USP4: variants seen among roughly 807,000 people sequenced by gnomAD.
The protein encoded by USP4 is ubiquitin carboxyl-terminal hydrolase 4.
Under a neutral mutation model 118.2 loss-of-function variants are expected in USP4, and 72 were observed. The ratio of observed to expected loss-of-function variants is 0.61; its 90% CI spans 0.50 to 0.74. The LOEUF (loss-of-function observed/expected upper bound fraction) is 0.74. USP4 is among the 30% of genes least tolerant of loss of function. The pLI is 0.00. For missense variants in USP4, 1,037 were observed against 1,185.7 expected (o/e 0.87, Z 1.84); for synonymous variants, 415 against 440.4 (o/e 0.94, Z 0.72).
chr3:49,286,773 TCATC>T (rs1334948534), intron 15 of USP4, among the ~76,000 whole-genome samples: 1 of 152,032 alleles, frequency 6.6e-6, no homozygotes, highest in Non-Finnish European at 1.5e-5. Flanking sequence ...CATCCATCCA[TCATC>T]CATCCATCTA....
chr3:49,305,595 G>A (rs1318264315), intron 9 of USP4, 120 bp downstream of exon 9: 10 of 814,882 alleles, frequency 1.2e-5, no homozygotes, highest in African/African-American at 1.8e-5. Flanking sequence ...TGCTGAACTA[G>A]TAAGCATAAT....
chr3:49,300,380 C>T, intron 11 of USP4, 87 bp downstream of exon 11: 1 of 1,251,066 alleles, frequency 8.0e-7, no homozygotes, highest in South Asian at 1.3e-5. Context: ...GACTCAGAGG[C>T]AGCCAATGCA....
chr3:49,309,943 C>CTTCTTTTTT (rs2047365909), intron 8 of USP4, among the ~76,000 whole-genome samples: 1 of 40,228 alleles, frequency 2.5e-5, no homozygotes, highest in East Asian at 7.7e-4. Context: ...TTTTTTTAAT[C>CTTCTTTTTT]TTTTTTTTTT....
intron 9 of USP4, among the ~76,000 whole-genome samples, chr3:49,303,945 G>T (rs893624937): frequency 6.6e-6 from 1 of 152,062 alleles, no homozygotes; most frequent in South Asian, 2.1e-4. Context: ...TAGAGATGGG[G>T]TTTCACAATA....
At chr3:49,307,802 A>AAAACAAAAC (rs2047335014) in intron 8 of USP4, among the ~76,000 whole-genome samples, 1 of 151,840 alleles carries the variant, frequency 6.6e-6, no homozygotes, top group Non-Finnish European at 1.5e-5. Context: ...AAAACAAAAC[A>AAAACAAAAC]AAACAAACAA....
Position 49,300,687 on chromosome 3 carries a change from A to C in USP4, c.1292T>G (p.Val431Gly), listed in dbSNP as rs2047254500. Residue 431 changes from valine to glycine, a missense_variant, in exon 11 of 22, where the codon GTG becomes GGG. Physicochemically the swap from Val to Gly is moderately radical, Grantham distance 109 (BLOSUM62 -3). Around this residue, in one of 3 missense-constraint regions of USP4, gnomAD observed 487 missense variants for 534.1 expected, o/e 0.91. Coordinates refer to ENST00000265560, the MANE Select transcript of USP4 (RefSeq NM_003363.4). Reference protein sequence around the residue: ...KDANGRPDAVVAKEAWENHRL... With the variant: ...KDANGRPDAVGAKEAWENHRL... The stretch of plus-strand genomic sequence containing the variant: ...GTGATTCTCCCAGGCTTCCTTTGCC[A>C]CCACCTGCGTCAAAGGGATAAACAG... 6.2e-7 allele frequency: 1 copy of C among 1,613,962 alleles called. No homozygotes were observed. The highest frequency in any genetic ancestry group is 8.5e-7 in the Non-Finnish European group (1 of 1,179,946).
chr3:49,280,092 G>T (rs988554845), intron 20 of USP4, among the ~76,000 whole-genome samples: 1 of 152,018 alleles, frequency 6.6e-6, no homozygotes, highest in Admixed American at 6.6e-5. Flanking sequence ...CCAAAACCCT[G>T]TCTCTACTAA....
chr3:49,315,040 G>T (rs1348680349), intron 6 of USP4, among the ~76,000 whole-genome samples: 1 of 151,334 alleles, frequency 6.6e-6, no homozygotes, highest in Non-Finnish European at 1.5e-5. Context: ...CAATCAAAAA[G>T]AAACCAAATT....
At chr3:49,311,133 T>C (rs919910076) in intron 7 of USP4, among the ~76,000 whole-genome samples, 4 of 151,696 alleles carry the variant, frequency 2.6e-5, no homozygotes, top group Non-Finnish European at 5.9e-5. Context: ...CCCACATCTA[T>C]GCCATGTGGC....
intron 13 of USP4, among the ~76,000 whole-genome samples, 159 bp downstream of exon 13, chr3:49,297,711 C>A (rs1278854243): frequency 1.3e-5 from 2 of 152,126 alleles, no homozygotes; most frequent in African/African-American, 4.8e-5. Flanking sequence ...CTGATGGCTG[C>A]CCACGATGCC....
chr3:49,289,540 C>T (rs561952770), intron 15 of USP4, among the ~76,000 whole-genome samples: 1 of 152,120 alleles, frequency 6.6e-6, no homozygotes, highest in Non-Finnish European at 1.5e-5. Context: ...TTATCCCTAG[C>T]GGGAAATGAA....
chr3:49,278,774 T>TA, intron 21 of USP4, 40 bp downstream of exon 21: 1 of 1,448,346 alleles, frequency 6.9e-7, no homozygotes, highest in Non-Finnish European at 9.6e-7. Flanking sequence ...CTTTAATCCA[T>TA]AACGACATGA....
chr3:49,287,558 C>T (rs1222615627), intron 15 of USP4, among the ~76,000 whole-genome samples: 4 of 152,100 alleles, frequency 2.6e-5, no homozygotes, highest in African/African-American at 9.7e-5. Context: ...CTGCCACCTC[C>T]GCCTCCCAGG....
intron 13 of USP4, 90 bp downstream of exon 13, chr3:49,297,780 C>T (rs2047224691): frequency 1.8e-6 from 2 of 1,089,472 alleles, no homozygotes; most frequent in South Asian, 1.3e-5. Flanking sequence ...CAATGACTGC[C>T]CACATTTTTG....
chr3:49,299,375 A>G (rs1575606685), intron 11 of USP4, among the ~76,000 whole-genome samples: 1 of 146,370 alleles, frequency 6.8e-6, no homozygotes, highest in Admixed American at 6.8e-5. Flanking sequence ...GGGGTAAGCC[A>G]CCGTGCCCAG....
chr3:49,292,771 G>A (rs909840778), intron 14 of USP4, among the ~76,000 whole-genome samples, 173 bp from the exon 15 acceptor site: 3 of 152,226 alleles, frequency 2.0e-5, no homozygotes, highest in African/African-American at 7.2e-5. Flanking sequence ...AGGTGTGGTG[G>A]CTAATCCCAG....
At chr3:49,327,184 G>C (rs2047564584) in intron 3 of USP4, among the ~76,000 whole-genome samples, 1 of 152,152 alleles carries the variant, frequency 6.6e-6, no homozygotes, top group South Asian at 2.1e-4. Flanking sequence ...GATGTTTAGA[G>C]GCCACTCATG....
chr3:49,317,543 T>G (rs1460611347), intron 6 of USP4: 3 of 10,906 alleles, frequency 2.8e-4, no homozygotes, highest in South Asian at 0.018. Context: ...TGTTTGTTTG[T>G]TTTTTTTTTT....
chr3:49,339,014 G>A (rs1012798498), intron 1 of USP4, among the ~76,000 whole-genome samples: 1 of 152,062 alleles, frequency 6.6e-6, no homozygotes, highest in Non-Finnish European at 1.5e-5. Context: ...GGGTGTGGTG[G>A]CGTGAGCCTG....
Sources: gnomAD v4.1 joint callset for allele counts (sites outside exome capture counted in the v4.1 genomes callset) on GRCh38, gnomAD v4.1.1 for gene constraint, gnomAD v4.1.1 regional missense constraint, MANE v1.5 for transcripts, NCBI Gene and HGNC (gene_info 2026-07-23, HGNC 2026-07-21) for gene names.